BNIP2: variants seen among roughly 807,000 people sequenced by gnomAD.
BNIP2 encodes the protein BCL2 interacting protein 2.
A neutral mutation model predicts 43.4 loss-of-function variants in BNIP2; 36 were observed. The ratio of observed to expected loss-of-function variants is 0.83; its 90% CI spans 0.64 to 1.10. The LOEUF (loss-of-function observed/expected upper bound fraction) is 1.10, where lower values mean the gene tolerates loss of function less well. BNIP2 is among the 50% of genes least tolerant of loss of function. The pLI is 0.00. For synonymous variants in BNIP2, 146 were observed against 121.0 expected (o/e 1.21, Z -1.35); for missense variants, 417 against 374.1 (o/e 1.11, Z -0.95).
chr15:59,666,736 A>C lies in BNIP2; in HGVS notation c.893+2156T>G, dbSNP rs1892590360. ...AATTTTATCATTTTCAGATTGACAA[A>C]AATTTATTATTTTTTAAGACTAAAG... is the stretch of plus-strand genomic sequence containing the variant. On this transcript the variant is annotated intron_variant, in intron 9 of 9. Coordinates refer to ENST00000607373, the MANE Select transcript of BNIP2 (RefSeq NM_004330.4). 2.6e-5 allele frequency among the ~76,000 whole-genome samples: 4 copies of C among 152,198 alleles called. No individual in the cohort carries two copies. In the South Asian group the frequency reaches 8.3e-4, roughly 31 times the overall value.
At chr15:59,667,395 A>C (rs1221766670) in intron 9 of BNIP2, among the ~76,000 whole-genome samples, 1 of 152,248 alleles carries the variant, frequency 6.6e-6, no homozygotes, top group African/African-American at 2.4e-5. Flanking sequence ...ACTAGATCTA[A>C]ATTCTACGTT....
intron 5 of BNIP2, among the ~76,000 whole-genome samples, chr15:59,676,240 G>T (rs552013597): frequency 6.6e-6 from 1 of 152,116 alleles, no homozygotes; most frequent in African/African-American, 2.4e-5. Flanking sequence ...GGATGATCAC[G>T]GCCACTGAAG....
In BNIP2 at chr15:59,672,756, A is replaced by G. The variant is rs1489423469; in HGVS notation, c.473-17T>C. ...CATAATATCCTAAAAAAGAAACCAA[A>G]GACAGTATCACCAGCACGATTTTAC... is the stretch of plus-strand genomic sequence containing the variant. On this transcript the variant is annotated splice_polypyrimidine_tract_variant and intron_variant, in intron 5 of 9. Coordinates refer to ENST00000607373, the MANE Select transcript of BNIP2 (RefSeq NM_004330.4). The G allele has an allele frequency of 2.5e-6, 4 of 1,595,668 alleles. No individual in the cohort carries two copies. The Admixed American group carries it at 6.7e-5, about 27-fold the overall frequency.
rs941153660 is a variant in BNIP2 at position 59,663,824 on chromosome 15, T to C, written c.*245A>G. On this transcript the variant is annotated 3_prime_UTR_variant, in exon 10 of 10. Transcript: ENST00000607373. ...ACTTTATATAAAGTGTGGTTCTCTA[T>C]TTAGCAATATAAAATATAAAACGAT... The C allele has an allele frequency of 2.7e-5, 9 of 328,846 alleles. No individual in the cohort carries two copies. Among genetic ancestry groups the C allele is most frequent in the African/African-American group, 1.9e-4 (9 of 46,958 alleles). 20.4% of individuals were successfully genotyped at this position (328,846 alleles called of 1,614,324 possible).
intron 9 of BNIP2, among the ~76,000 whole-genome samples, chr15:59,666,964 A>G (rs1207283357): frequency 2.0e-5 from 3 of 152,244 alleles, no homozygotes; most frequent in Non-Finnish European, 2.9e-5. Context: ...TTAATACAGC[A>G]TATTTTATCA....
chr15:59,676,782 A>T (rs1224992580), intron 5 of BNIP2: 2 of 1,503,856 alleles, frequency 1.3e-6, no homozygotes, highest in Admixed American at 2.0e-5. Context: ...AGCTTTTCGG[A>T]TATCTGCGGT....
At chr15:59,671,679 A>G (rs1162304774) in intron 6 of BNIP2, among the ~76,000 whole-genome samples, 121 of 152,208 alleles carry the variant, frequency 7.9e-4, no homozygotes, top group Non-Finnish European at 8.8e-5. Flanking sequence ...AAACTGCACT[A>G]ACCTGAGAAA....
chr15:59,678,474 T>C, intron 4 of BNIP2: 2 of 1,067,772 alleles, frequency 1.9e-6, no homozygotes, highest in Non-Finnish European at 2.3e-6. Context: ...AGTAGCTATC[T>C]GGGAGCCAAT....
intron 3 of BNIP2, 81 bp downstream of exon 3, chr15:59,680,160 T>G: frequency 2.6e-6 from 3 of 1,138,876 alleles, no homozygotes; most frequent in Non-Finnish European, 3.6e-6. Context: ...TCAAGTTTTT[T>G]TTTTTTTTGG....
At chr15:59,687,784 T>C (rs1166510811) in intron 1 of BNIP2, among the ~76,000 whole-genome samples, 1 of 152,228 alleles carries the variant, frequency 6.6e-6, no homozygotes, top group African/African-American at 2.4e-5. Context: ...TTTTCACATT[T>C]ACTAACCACT....
intron 1 of BNIP2, among the ~76,000 whole-genome samples, chr15:59,685,015 G>C (rs1202397010): frequency 6.6e-6 from 1 of 152,108 alleles, no homozygotes; most frequent in East Asian, 1.9e-4. Flanking sequence ...TACATGAATA[G>C]GATTTGTCAT....
intron 8 of BNIP2, 91 bp downstream of exon 8, chr15:59,669,185 G>A (rs1434187074): frequency 1.8e-6 from 2 of 1,092,808 alleles, no homozygotes; most frequent in Non-Finnish European, 2.6e-6. Flanking sequence ...ATATAGCTCT[G>A]TATCCCATAA....
chr15:59,665,216 A>G (rs1362719767), intron 9 of BNIP2: 2 of 152,230 alleles, frequency 1.3e-5, no homozygotes, highest in Admixed American at 6.5e-5. Context: ...GTGAGCTGAG[A>G]CCATGCCATT....
intron 9 of BNIP2, chr15:59,668,072 T>C: frequency 1.1e-5 from 14 of 1,286,020 alleles, no homozygotes; most frequent in Non-Finnish European, 1.4e-5. Flanking sequence ...TGGACTAGTC[T>C]AGATGCAACC....
At chr15:59,687,957 A>G (rs1402486848) in intron 1 of BNIP2, among the ~76,000 whole-genome samples, 3 of 152,150 alleles carry the variant, frequency 2.0e-5, no homozygotes, top group Non-Finnish European at 4.4e-5. Context: ...TGCACTGGCA[A>G]TTTTATACAG....
intron 7 of BNIP2, among the ~76,000 whole-genome samples, chr15:59,670,034 G>A (rs370493930): frequency 3.9e-5 from 6 of 152,230 alleles, no homozygotes; most frequent in South Asian, 2.1e-4. Context: ...CAAACCAATC[G>A]GAAGATCACA....
chr15:59,688,636 C>A, intron 1 of BNIP2: 1 of 1,404,558 alleles, frequency 7.1e-7, no homozygotes, highest in Non-Finnish European at 9.7e-7. Context: ...TTGACGTACA[C>A]ACTCTGTATT....
chr15:59,668,032 C>A, intron 9 of BNIP2: 4 of 1,051,500 alleles, frequency 3.8e-6, no homozygotes, highest in South Asian at 2.9e-5. Context: ...GCTAACCAAC[C>A]AATAAGGAAG....
At chr15:59,684,515 C>G (rs1258620426) in intron 1 of BNIP2, among the ~76,000 whole-genome samples, 2 of 152,188 alleles carry the variant, frequency 1.3e-5, no homozygotes, top group African/African-American at 4.8e-5. Context: ...CAATTACAAT[C>G]AACAAGCCCA....
Sources: allele counts gnomAD v4.1 joint callset (sites outside exome capture counted in the v4.1 genomes callset), GRCh38; gene constraint gnomAD v4.1.1; transcripts MANE v1.5; gene names NCBI Gene and HGNC (gene_info 2026-07-23, HGNC 2026-07-21).